Variants in NNMT observed in about 807,000 individuals in gnomAD.
NNMT encodes the protein nicotinamide N-methyltransferase.
NNMT carries 10 observed loss-of-function variants against 11.7 expected under a neutral mutation model. The observed-to-expected ratio is 0.85, with a 90% CI of 0.53 to 1.45. The LOEUF (loss-of-function observed/expected upper bound fraction) is 1.45, where lower values mean the gene tolerates loss of function less well. Ranked by LOEUF, NNMT falls within the 40% of genes most tolerant of loss-of-function variation. The pLI, the probability that NNMT is intolerant of heterozygous loss-of-function variation, is 0.00. For synonymous variants in NNMT, 143 were observed against 133.8 expected, an observed-to-expected ratio of 1.07 and a Z score of -0.48; for missense variants, 381 against 319.4, an observed-to-expected ratio of 1.19 and a Z score of -1.47.
intron 2 of NNMT, among the ~76,000 whole-genome samples, chr11:114,263,246 T>C (rs1328518143): frequency 1.3e-5 from 2 of 152,110 alleles, no homozygotes; most frequent in Non-Finnish European, 2.9e-5. Context: ...CAAGCACCAA[T>C]GAAACTGAGT....
intron 2 of NNMT, among the ~76,000 whole-genome samples, chr11:114,274,016 T>C (rs1190101265): frequency 6.6e-6 from 1 of 152,176 alleles, no homozygotes; most frequent in Non-Finnish European, 1.5e-5. Context: ...TCTCTACTAG[T>C]TGCTGCCACA....
At chr11:114,273,517 C>T (rs1354494840) in intron 2 of NNMT, among the ~76,000 whole-genome samples, 2 of 152,200 alleles carry the variant, frequency 1.3e-5, no homozygotes, top group Non-Finnish European at 2.9e-5. Flanking sequence ...TGCTGCCAAG[C>T]AAGATTCTTA....
At chr11:114,305,507 C>A (rs1402290358) in intron 2 of NNMT, among the ~76,000 whole-genome samples, 1 of 137,624 alleles carries the variant, frequency 7.3e-6, no homozygotes, top group Non-Finnish European at 1.6e-5. Context: ...CCTCCCCCCA[C>A]CCCACGACAG....
chr11:114,282,346 T>C (rs115461124), intron 2 of NNMT, among the ~76,000 whole-genome samples: 2,226 of 152,208 alleles, frequency 0.015, 50 homozygotes, highest in African/African-American at 0.05. Context: ...GGAAGAAATA[T>C]TTACAGTGAA....
chr11:114,278,290 A>T (rs1247166979), intron 2 of NNMT, among the ~76,000 whole-genome samples: 1 of 152,152 alleles, frequency 6.6e-6, no homozygotes, highest in African/African-American at 2.4e-5. Flanking sequence ...CTCTTGTGAA[A>T]GAGCTCACTC....
intron 2 of NNMT, among the ~76,000 whole-genome samples, chr11:114,310,885 AC>A (rs1945543359): frequency 6.6e-6 from 1 of 151,338 alleles, no homozygotes; most frequent in East Asian, 1.9e-4. Flanking sequence ...TCTCTTGTAC[AC>A]TCTGTTTATT....
chr11:114,260,913 T>C (rs1045145197), intron 1 of NNMT, among the ~76,000 whole-genome samples: 11 of 152,180 alleles, frequency 7.2e-5, no homozygotes, highest in African/African-American at 2.7e-4. Flanking sequence ...TCACTGTATC[T>C]CAAAGGCTCC....
upstream of NNMT, among the ~76,000 whole-genome samples, chr11:114,295,419 C>CTT (rs35621813): frequency 0.023 from 1,991 of 84,988 alleles, 77 homozygotes; most frequent in East Asian, 0.03. Context: ...TTAAAGAATT[C>CTT]TTTTTTTTTT....
At chr11:114,275,882 G>A (rs1395198457) in intron 2 of NNMT, among the ~76,000 whole-genome samples, 2 of 152,148 alleles carry the variant, frequency 1.3e-5, no homozygotes, top group African/African-American at 2.4e-5. Context: ...TGTATGAGAT[G>A]CAGAAAATGA....
At chr11:114,265,109 C>T (rs1945110211) in intron 2 of NNMT, among the ~76,000 whole-genome samples, 1 of 152,150 alleles carries the variant, frequency 6.6e-6, no homozygotes, top group African/African-American at 2.4e-5. Flanking sequence ...TTGGTCTTTC[C>T]AGCAACCAGC....
At chr11:114,304,407 C>T (rs530647905) in intron 2 of NNMT, among the ~76,000 whole-genome samples, 1 of 152,296 alleles carries the variant, frequency 6.6e-6, no homozygotes, top group East Asian at 1.9e-4. Context: ...GACACTGTCC[C>T]CTCCCAATCA....
chr11:114,290,783 G>A (rs1025060949), intron 2 of NNMT, among the ~76,000 whole-genome samples: 12 of 152,118 alleles, frequency 7.9e-5, no homozygotes, highest in African/African-American at 2.4e-4. Flanking sequence ...AGTTTTGCCC[G>A]CTACTTTCTC....
At chr11:114,291,608 A>G (rs147916310), upstream of NNMT, among the ~76,000 whole-genome samples, 5 of 152,220 alleles carry the variant, frequency 3.3e-5, no homozygotes, top group Non-Finnish European at 5.9e-5. Context: ...GGCTCAATGC[A>G]CGGCTCATCT....
chr11:114,312,539 C>G lies in NNMT; in HGVS notation c.*62C>G. On this transcript the variant is annotated 3_prime_UTR_variant, in exon 3 of 3. Coordinates refer to ENST00000299964, the MANE Select transcript of NNMT (RefSeq NM_006169.3). ...GTCCAGTTGACTTTAGTCCTTGTTTCTAACTGCCAAGTCATGTGCTGAGTA... is the reference window on the plus strand; with the variant it reads ...GTCCAGTTGACTTTAGTCCTTGTTTGTAACTGCCAAGTCATGTGCTGAGTA... The G allele has an allele frequency of 6.6e-7, 1 of 1,508,996 alleles. No homozygotes were observed. Among genetic ancestry groups the G allele is most frequent in the Non-Finnish European group, 9.0e-7 (1 of 1,110,130 alleles). 93.5% of individuals were successfully genotyped at this position (1,508,996 alleles called of 1,614,324 possible).
intron 2 of NNMT, among the ~76,000 whole-genome samples, chr11:114,273,131 T>A (rs1398024336): frequency 6.6e-6 from 1 of 152,184 alleles, no homozygotes; most frequent in African/African-American, 2.4e-5. Flanking sequence ...AATTTGTGTA[T>A]TAGAATTAAA....
intron 2 of NNMT, among the ~76,000 whole-genome samples, chr11:114,267,184 G>C (rs1369748443): frequency 1.3e-5 from 2 of 152,202 alleles, no homozygotes; most frequent in African/African-American, 4.8e-5. Context: ...AGAATCACTT[G>C]AACCCAGGTG....
intron 2 of NNMT, among the ~76,000 whole-genome samples, chr11:114,272,728 G>A (rs1945180825): frequency 6.6e-6 from 1 of 152,208 alleles, no homozygotes; most frequent in Admixed American, 6.5e-5. Flanking sequence ...CATCACTGTG[G>A]ATGGCTTCCA....
At chr11:114,301,746 T>C (rs1014494899) in intron 2 of NNMT, among the ~76,000 whole-genome samples, 1 of 151,994 alleles carries the variant, frequency 6.6e-6, no homozygotes, top group Non-Finnish European at 1.5e-5. Context: ...CAAGAGTGAA[T>C]CTTAACGTAG....
rs942825473 is a variant in NNMT, at chr11:114,312,930, C to G, written c.*453C>G. The G allele has an allele frequency of 6.2e-6, 1 of 161,008 alleles. No homozygotes were observed. The highest frequency in any genetic ancestry group is 2.4e-5 in the African/African-American group (1 of 41,654). The allele number at this position is 161,008 out of a possible 1,614,324, so 10.0% of individuals were successfully genotyped here. On this transcript the variant is annotated 3_prime_UTR_variant, in exon 3 of 3. Coordinates refer to ENST00000299964, the MANE Select transcript of NNMT (RefSeq NM_006169.3). ...CCAAACCCTGGCCTCTGCCGCTGTT[C>G]AGGCTGCCATGTGGGTATAGCTGTT...
Sources: allele counts gnomAD v4.1 joint callset (sites outside exome capture counted in the v4.1 genomes callset), GRCh38; gene constraint gnomAD v4.1.1; transcripts MANE v1.5; gene names NCBI Gene and HGNC (gene_info 2026-07-23, HGNC 2026-07-21).